USP6NL: variants seen among roughly 807,000 people sequenced by gnomAD.
USP6NL encodes USP6 N-terminal-like protein.
Under a neutral mutation model 61.9 loss-of-function variants are expected in USP6NL, and 26 were observed. The ratio of observed to expected loss-of-function variants is 0.42; its 90% confidence interval spans 0.31 to 0.58. The LOEUF (loss-of-function observed/expected upper bound fraction) is 0.58, where lower values mean the gene tolerates loss of function less well. USP6NL is among the 20% of genes least tolerant of loss of function. USP6NL has a pLI of 0.16. For synonymous variants in USP6NL, 432 were observed against 390.1 expected (o/e 1.11, Z -1.27); for missense variants, 1,114 against 1,034.3 (o/e 1.08, Z -1.06).
chr10:11,567,343 A>G (rs1837199245), intron 2 of USP6NL, among the ~76,000 whole-genome samples: 1 of 152,226 alleles, frequency 6.6e-6, no homozygotes, highest in African/African-American at 2.4e-5. Flanking sequence ...CATAGTTAAG[A>G]CAATACACTG....
At chr10:11,570,356 G>A (rs1013976892) in intron 2 of USP6NL, among the ~76,000 whole-genome samples, 1 of 152,092 alleles carries the variant, frequency 6.6e-6, no homozygotes, top group Non-Finnish European at 1.5e-5. Flanking sequence ...AAATGAATGA[G>A]GAGGCTACTG....
In USP6NL at chr10:11,495,651, C is replaced by CT. The variant is rs1833891117; in HGVS notation, c.385-2424dup. Among the ~76,000 whole-genome samples the CT allele has an allele frequency of 6.6e-6, 1 of 152,006 alleles. No homozygotes were observed. Among genetic ancestry groups the CT allele is most frequent in the Non-Finnish European group, 1.5e-5 (1 of 67,996 alleles). ...TAAGCTCTGTTGTTTTTGAGTGTTC[C>CT]TTTTTATAGCATTCTATACTTGTTT... is the stretch of plus-strand genomic sequence containing the variant. On this transcript the variant is annotated intron_variant, in intron 7 of 14. Transcript: ENST00000609104. This position sits in a 1 kb window ranked among gnomAD's most constrained non-coding sequence, Gnocchi z 4.6.
At position 11,518,773 on chromosome 10, in the gene USP6NL, G is replaced by A. The variant is rs559102500; in HGVS notation, c.156-199C>T. ...CCACCTATCTTCAAAATCCAGCCCT[G>A]CACTGTCACCAGTAGCCACAAGCCA... On this transcript the variant is annotated intron_variant, in intron 4 of 14. Coordinates refer to ENST00000609104, the MANE Select transcript of USP6NL (RefSeq NM_014688.5). This position sits in a 1 kb window ranked among gnomAD's most constrained non-coding sequence, Gnocchi z 5.3. Among the ~76,000 whole-genome samples the A allele has an allele frequency of 1.3e-5, 2 of 152,254 alleles. No individual in the cohort carries two copies. Among genetic ancestry groups the A allele is most frequent in the African/African-American group, 4.8e-5 (2 of 41,548 alleles).
intron 2 of USP6NL, among the ~76,000 whole-genome samples, chr10:11,546,951 A>T (rs975614438): frequency 2.6e-5 from 4 of 152,248 alleles, no homozygotes; most frequent in African/African-American, 9.6e-5. Context: ...TGCAAACTTT[A>T]ATTTTCCCCA....
At chr10:11,607,064 T>TAGG (rs1414226966) in intron 1 of USP6NL, among the ~76,000 whole-genome samples, 1 of 152,192 alleles carries the variant, frequency 6.6e-6, no homozygotes, top group African/African-American at 2.4e-5. Context: ...GCTGGGCTTA[T>TAGG]AGGAGTGAGC....
chr10:11,472,899 T>C (rs1398204325), intron 14 of USP6NL, among the ~76,000 whole-genome samples: 1 of 152,226 alleles, frequency 6.6e-6, no homozygotes, highest in Non-Finnish European at 1.5e-5. Flanking sequence ...TATAAACCTA[T>C]TTAATGCCAC....
intron 2 of USP6NL, chr10:11,563,143 A>G (rs1338053604): frequency 6.6e-6 from 1 of 152,214 alleles, no homozygotes; most frequent in East Asian, 1.9e-4. Context: ...TACATGAAAC[A>G]ATTTCATGGA....
intron 1 of USP6NL, among the ~76,000 whole-genome samples, chr10:11,608,481 T>C (rs1418961921): frequency 6.6e-6 from 1 of 152,220 alleles, no homozygotes. Context: ...ATCTCTTCAG[T>C]GACTGTGAAC....
intron 14 of USP6NL, among the ~76,000 whole-genome samples, chr10:11,466,008 T>C (rs1238057050): frequency 2.0e-5 from 3 of 152,098 alleles, no homozygotes; most frequent in Admixed American, 2.0e-4. Flanking sequence ...AAAAAACAAC[T>C]GGGCAAAGCA....
rs528324508 is a variant in USP6NL at position 11,595,178 on chromosome 10, A to G, written c.4+2453T>C. Among the ~76,000 whole-genome samples the G allele has an allele frequency of 6.6e-6, 1 of 152,342 alleles. No homozygotes were observed. Among genetic ancestry groups the G allele is most frequent in the African/African-American group, 2.4e-5 (1 of 41,566 alleles). On this transcript the variant is annotated intron_variant, in intron 2 of 14. Coordinates refer to ENST00000609104, the MANE Select transcript of USP6NL (RefSeq NM_014688.5). This position sits in a 1 kb window ranked among gnomAD's most constrained non-coding sequence, Gnocchi z 5.3. ...AAATAACAGGTGAAAGAGAAGCACA[A>G]GTCACTAAAATGGCACAGCTATGCC...
intron 10 of USP6NL, among the ~76,000 whole-genome samples, chr10:11,486,903 A>G (rs1457181218): frequency 6.6e-6 from 1 of 152,166 alleles, no homozygotes; most frequent in East Asian, 1.9e-4. Flanking sequence ...CCTGAGGCAC[A>G]TGCTATTGGG....
intron 2 of USP6NL, among the ~76,000 whole-genome samples, chr10:11,581,290 T>C (rs559649473): frequency 2.6e-5 from 4 of 152,342 alleles, no homozygotes; most frequent in Non-Finnish European, 4.4e-5. Context: ...AAAAGTGAGG[T>C]ACTATTATGC....
rs1832874071 is a variant in USP6NL, at chr10:11,474,176, T to C, written c.1078+7594A>G. ...TCAAAGGTGATTAATTCTGTAGTTT[T>C]TTGCATTAAGGAATCTGTTTGTATT... On this transcript the variant is annotated intron_variant, in intron 14 of 14. Coordinates refer to ENST00000609104, the MANE Select transcript of USP6NL (RefSeq NM_014688.5). The surrounding 1 kb of genome is among the most constrained non-coding windows in gnomAD (Gnocchi z 4.9). Among the ~76,000 whole-genome samples, 1 of 152,236 alleles carries C rather than the reference T, an allele frequency of 6.6e-6. No homozygotes were observed. The highest frequency in any genetic ancestry group is 1.5e-5 in the Non-Finnish European group (1 of 68,030).
In USP6NL at chr10:11,490,562, A is replaced by G. The variant is rs966824419; in HGVS notation, c.543+270T>C. Among the ~76,000 whole-genome samples, 3 of 152,232 alleles carry G rather than the reference A, an allele frequency of 2.0e-5. No homozygotes were observed. The highest frequency in any genetic ancestry group is 2.9e-5 in the Non-Finnish European group (2 of 68,040). Reference sequence around the variant, plus strand: ...AAATAAAAACAAAACAACACAAAACATTACAAAGCAAAACAATATGGAGGG... The same window carrying G: ...AAATAAAAACAAAACAACACAAAACGTTACAAAGCAAAACAATATGGAGGG... On this transcript the variant is annotated intron_variant, in intron 9 of 14. Transcript: ENST00000609104. This position sits in a 1 kb window ranked among gnomAD's most constrained non-coding sequence, Gnocchi z 4.5.
intron 6 of USP6NL, 87 bp from the exon 7 acceptor site, chr10:11,501,295 C>CAAG: frequency 9.3e-7 from 1 of 1,076,552 alleles, no homozygotes; most frequent in Non-Finnish European, 1.3e-6. Context: ...TATTTGTTAG[C>CAAG]ATTGTATTTT....
intron 2 of USP6NL, among the ~76,000 whole-genome samples, chr10:11,555,113 T>G (rs536776286): frequency 8.9e-4 from 132 of 148,542 alleles, no homozygotes; most frequent in South Asian, 1.5e-3. Flanking sequence ...TTTTTGGTTT[T>G]TTTTTTTAAG....
chr10:11,520,915 A>C lies in USP6NL; in HGVS notation c.156-2341T>G, dbSNP rs945221425. Among the ~76,000 whole-genome samples, 7 of 152,230 alleles carry C rather than the reference A, an allele frequency of 4.6e-5. No individual in the cohort carries two copies. The highest frequency in any genetic ancestry group is 1.4e-4 in the African/African-American group (6 of 41,462). On this transcript the variant is annotated intron_variant, in intron 4 of 14. Coordinates refer to ENST00000609104, the MANE Select transcript of USP6NL (RefSeq NM_014688.5). This position sits in a 1 kb window ranked among gnomAD's most constrained non-coding sequence, Gnocchi z 5.2. Reference sequence around the variant, plus strand: ...GAGAACAAGGGCTTAAGAGCACCTAAAGGCTGCTTTAAGAAAACACCAAGC... The same window carrying C: ...GAGAACAAGGGCTTAAGAGCACCTACAGGCTGCTTTAAGAAAACACCAAGC...
chr10:11,574,331 G>C lies in USP6NL; in HGVS notation c.4+23300C>G, dbSNP rs1349479916. Among the ~76,000 whole-genome samples, 3 of 152,076 alleles carry C rather than the reference G, an allele frequency of 2.0e-5. No individual in the cohort carries two copies. Among genetic ancestry groups the C allele is most frequent in the Non-Finnish European group, 1.5e-5 (1 of 68,014 alleles). ...TCACATATACACCTCTGACATCCCA[G>C]TCCATGAATAGAAGTCTAAATTCAC... On this transcript the variant is annotated intron_variant, in intron 2 of 14. Transcript: ENST00000609104. The surrounding 1 kb of genome is among the most constrained non-coding windows in gnomAD (Gnocchi z 4.3).
intron 7 of USP6NL, among the ~76,000 whole-genome samples, chr10:11,498,653 A>G (rs1163908776): frequency 6.6e-6 from 1 of 152,180 alleles, no homozygotes; most frequent in Non-Finnish European, 1.5e-5. Flanking sequence ...TCCTCATGGT[A>G]AAGTAGGTAC....
Sources: gnomAD v4.1 joint callset for allele counts (sites outside exome capture counted in the v4.1 genomes callset) on GRCh38, gnomAD v4.1.1 for gene constraint, Gnocchi (gnomAD v3.1) non-coding constraint, MANE v1.5 for transcripts, NCBI Gene and HGNC (gene_info 2026-07-23, HGNC 2026-07-21) for gene names.